STX8: variants seen among roughly 807,000 people sequenced by gnomAD.
The protein encoded by STX8 is syntaxin-8.
A neutral mutation model predicts 37.5 loss-of-function variants in STX8; 23 were observed. That is an observed-to-expected ratio of 0.61 (90% CI 0.44 to 0.87). The LOEUF (loss-of-function observed/expected upper bound fraction) is 0.87, where lower values mean the gene tolerates loss of function less well. STX8 is among the 40% of genes least tolerant of loss of function. The pLI is 0.00. For missense variants in STX8, 313 were observed against 284.7 expected (o/e 1.10, Z -0.71); for synonymous variants, 115 against 99.1 (o/e 1.16, Z -0.95).
intron 6 of STX8, among the ~76,000 whole-genome samples, chr17:9,456,324 A>G (rs990719959): frequency 7.2e-5 from 11 of 152,238 alleles, no homozygotes; most frequent in Admixed American, 7.2e-4. Context: ...CAGAAATTAC[A>G]AAAACTAATT....
intron 3 of STX8, among the ~76,000 whole-genome samples, chr17:9,548,855 A>G (rs1466761581): frequency 6.6e-6 from 1 of 152,210 alleles, no homozygotes; most frequent in Non-Finnish European, 1.5e-5. Flanking sequence ...ATGTGTGTAT[A>G]TACACACAGA....
intron 5 of STX8, among the ~76,000 whole-genome samples, chr17:9,493,656 C>T (rs958028119): frequency 2.6e-5 from 4 of 152,222 alleles, no homozygotes; most frequent in African/African-American, 9.6e-5. Context: ...TGGGCTCCTC[C>T]CTGGACATTC....
chr17:9,434,505 G>C (rs1475269887), intron 6 of STX8, among the ~76,000 whole-genome samples: 1 of 152,238 alleles, frequency 6.6e-6, no homozygotes, highest in Non-Finnish European at 1.5e-5. Context: ...AGAGAAGACA[G>C]GGTCTGGGAT....
chr17:9,536,244 T>C (rs4791850), intron 4 of STX8, among the ~76,000 whole-genome samples: 75,531 of 151,868 alleles, frequency 0.5, 19,059 homozygotes, highest in South Asian at 0.67. Flanking sequence ...GGAGTGTGGC[T>C]GGGAACTGCT....
chr17:9,339,067 T>C (rs1567789884), intron 7 of STX8, among the ~76,000 whole-genome samples: 1 of 114,212 alleles, frequency 8.8e-6, no homozygotes, highest in African/African-American at 4.3e-5. Flanking sequence ...CGAGACTCCG[T>C]CTCAAAAAAA....
chr17:9,439,532 A>ATTT (rs750040200), intron 6 of STX8, among the ~76,000 whole-genome samples: 1 of 131,070 alleles, frequency 7.6e-6, no homozygotes, highest in African/African-American at 2.7e-5. Context: ...CTGCCATATA[A>ATTT]TTTTTTTTTT....
At chr17:9,418,380 G>T (rs1405419423) in intron 6 of STX8, among the ~76,000 whole-genome samples, 4 of 152,158 alleles carry the variant, frequency 2.6e-5, no homozygotes, top group Non-Finnish European at 4.4e-5. Context: ...AACAGTAAGT[G>T]TGGGATACAT....
intron 6 of STX8, among the ~76,000 whole-genome samples, chr17:9,399,583 CG>C (rs1567544174): frequency 1.3e-5 from 2 of 151,874 alleles, no homozygotes; most frequent in African/African-American, 4.8e-5. Flanking sequence ...AGATGAGATC[CG>C]GCCGGGTGCG....
chr17:9,397,652 A>G (rs1912450628), intron 6 of STX8, among the ~76,000 whole-genome samples: 1 of 152,160 alleles, frequency 6.6e-6, no homozygotes, highest in Non-Finnish European at 1.5e-5. Flanking sequence ...AAAGTATAAA[A>G]TAAATATCCA....
intron 6 of STX8, among the ~76,000 whole-genome samples, chr17:9,480,126 C>T (rs148137311): frequency 1.3e-5 from 2 of 152,178 alleles, no homozygotes; most frequent in Non-Finnish European, 2.9e-5. Context: ...ATCACCGTCT[C>T]TAACTGTGTA....
chr17:9,463,424 T>C (rs898794963), intron 6 of STX8, among the ~76,000 whole-genome samples: 2 of 152,210 alleles, frequency 1.3e-5, no homozygotes, highest in Non-Finnish European at 2.9e-5. Context: ...GAGACTATTT[T>C]TAGTATTAAG....
At chr17:9,512,238 A>G (rs528528737) in intron 4 of STX8, among the ~76,000 whole-genome samples, 1 of 152,308 alleles carries the variant, frequency 6.6e-6, no homozygotes, top group East Asian at 1.9e-4. Context: ...ATAGAAAAAA[A>G]TCTTAAAAAT....
rs1319518494 is a variant in STX8, at chr17:9,288,389, C to T, written c.644-37744G>A. 6.6e-5 allele frequency among the ~76,000 whole-genome samples: 10 copies of T among 151,716 alleles called. No individual in the cohort carries two copies. The East Asian group carries it at 7.7e-4, about 12-fold the overall frequency. ...ATAAAGAATTTCAATGGGCCGGGCG[C>T]GGTGGCTCACGCCTGTAATCCCAGC... On this transcript the variant is annotated intron_variant, in intron 7 of 7. Coordinates refer to ENST00000306357, the MANE Select transcript of STX8 (RefSeq NM_004853.3).
chr17:9,306,595 C>CAAAAAAA (rs71135963), intron 7 of STX8, among the ~76,000 whole-genome samples: 20 of 69,884 alleles, frequency 2.9e-4, no homozygotes, highest in African/African-American at 9.1e-4. Context: ...ACTAAAAATA[C>CAAAAAAA]AAAAAAAAAA....
chr17:9,527,450 A>C (rs1183739033), intron 4 of STX8, among the ~76,000 whole-genome samples: 2 of 152,158 alleles, frequency 1.3e-5, no homozygotes, highest in Non-Finnish European at 2.9e-5. Flanking sequence ...TCTCAAAAAA[A>C]TTAAAATTAA....
chr17:9,373,303 C>T (rs564341637), intron 7 of STX8, among the ~76,000 whole-genome samples: 45 of 152,270 alleles, frequency 3.0e-4, no homozygotes, highest in Admixed American at 2.7e-3. Flanking sequence ...ACTTGAGCAG[C>T]TATTTGTACA....
intron 7 of STX8, among the ~76,000 whole-genome samples, chr17:9,327,176 AGAAGAAGGAAGAAGAAG>A (rs1189308647): frequency 1.3e-5 from 2 of 150,408 alleles, no homozygotes; most frequent in Non-Finnish European, 3.0e-5. Context: ...AAAAAGAAGA[AGAAGAAGGAAGAAGAAG>A]GAAGAAGGAA....
chr17:9,542,582 C>T (rs1906325194), intron 4 of STX8, among the ~76,000 whole-genome samples: 1 of 151,818 alleles, frequency 6.6e-6, no homozygotes, highest in Non-Finnish European at 1.5e-5. Flanking sequence ...GAGGCTGAGG[C>T]AGGAGAGTGG....
chr17:9,295,013 A>T (rs1020689707), intron 7 of STX8, among the ~76,000 whole-genome samples: 6 of 152,216 alleles, frequency 3.9e-5, no homozygotes, highest in African/African-American at 1.4e-4. Flanking sequence ...CTGATCTTGG[A>T]TTTCTAATCT....
Sources: gnomAD v4.1 joint callset for allele counts (sites outside exome capture counted in the v4.1 genomes callset) on GRCh38, gnomAD v4.1.1 for gene constraint, MANE v1.5 for transcripts, NCBI Gene and HGNC (gene_info 2026-07-23, HGNC 2026-07-21) for gene names.